The following CEP63 variants were observed in gnomAD, a reference collection of about 807,000 sequenced individuals.
The protein encoded by CEP63 is centrosomal protein of 63 kDa.
A neutral mutation model predicts 89.1 loss-of-function variants in CEP63; 84 were observed. That is an observed-to-expected ratio of 0.94 (90% CI 0.79 to 1.13). The LOEUF is 1.13. CEP63 is among the 50% of genes most tolerant of loss of function. CEP63 has a pLI of 0.00. For synonymous variants in CEP63, 267 were observed against 272.5 expected (o/e 0.98, Z 0.20); for missense variants, 838 against 813.3 (o/e 1.03, Z -0.37).
intron 1 of CEP63, chr3:134,486,669 G>T (rs1935546028): frequency 4.5e-6 from 2 of 439,864 alleles, no homozygotes; most frequent in Non-Finnish European, 6.0e-6. Context: ...AGCTAGCGCT[G>T]TTGGGACTAC....
the CEP63 span, among the ~76,000 whole-genome samples, chr3:134,776,829 T>A: frequency 3.3e-5 from 5 of 152,296 alleles, no homozygotes; most frequent in East Asian, 5.8e-4. Context: ...TTACTTGAGG[T>A]GCTAGAGGAA....
the CEP63 span, among the ~76,000 whole-genome samples, chr3:134,758,832 C>T: frequency 6.6e-6 from 1 of 152,124 alleles, no homozygotes; most frequent in Non-Finnish European, 1.5e-5. Context: ...CCAAAGATGT[C>T]CATATCCTAA....
the CEP63 span, among the ~76,000 whole-genome samples, chr3:134,646,854 A>T: frequency 2.6e-5 from 4 of 152,154 alleles, no homozygotes; most frequent in East Asian, 7.7e-4. Flanking sequence ...GGCTGGGCTA[A>T]TGAACCCTAA....
chr3:134,604,463 C>T, the CEP63 span: 11 of 1,604,380 alleles, frequency 6.9e-6, no homozygotes, highest in Non-Finnish European at 8.5e-6. Flanking sequence ...GTGACCGTGG[C>T]CTTCCCATTC....
intron 14 of CEP63, among the ~76,000 whole-genome samples, chr3:134,560,745 GTGTGTGTATTTGTTGTA>G (rs1160455635): frequency 6.6e-5 from 10 of 152,174 alleles, no homozygotes; most frequent in Non-Finnish European, 7.3e-5. Flanking sequence ...GTATGTGTGT[GTGTGTGTATTTGTTGTA>G]TGTGTGTATT....
chr3:134,706,687 G>A, the CEP63 span, among the ~76,000 whole-genome samples: 9 of 152,166 alleles, frequency 5.9e-5, no homozygotes, highest in African/African-American at 2.2e-4. Context: ...CTTAAAACAA[G>A]AGAAATTAAT....
chr3:134,499,084 AT>A (rs1247050948), intron 2 of CEP63, among the ~76,000 whole-genome samples: 1 of 152,128 alleles, frequency 6.6e-6, no homozygotes, highest in Non-Finnish European at 1.5e-5. Context: ...CTCGCCTTCA[AT>A]TTTTTTGGAA....
At chr3:134,669,102 G>A in the CEP63 span, among the ~76,000 whole-genome samples, 4 of 151,984 alleles carry the variant, frequency 2.6e-5, no homozygotes, top group Admixed American at 6.6e-5. Context: ...CACTGCTCAC[G>A]GCAGCCTTGA....
the CEP63 span, among the ~76,000 whole-genome samples, chr3:134,644,125 G>A: frequency 1.8e-3 from 276 of 152,228 alleles, no homozygotes; most frequent in African/African-American, 6.1e-3. Flanking sequence ...GCGCCCGGCC[G>A]AGCCTCCTGC....
the CEP63 span, among the ~76,000 whole-genome samples, chr3:134,642,521 A>G: frequency 8.8e-6 from 1 of 113,460 alleles, no homozygotes; most frequent in South Asian, 4.5e-4. Context: ...TCGTGTGCTC[A>G]GATCCAGTCA....
chr3:134,547,245 C>A lies in CEP63; in HGVS notation c.930-90C>A, dbSNP rs1221221016. On this transcript the variant is annotated intron_variant, in intron 8 of 14. Transcript: ENST00000675561. The stretch of plus-strand genomic sequence containing the variant: ...AACTTGAAGAGTTCCAAAGAGGTTA[C>A]CAAAAATGATGGGGAAACACAGACT... 68 of 1,271,704 alleles carry A rather than the reference C, an allele frequency of 5.3e-5. No individual in the cohort carries two copies. In the South Asian group the frequency reaches 8.1e-4, roughly 15 times the overall value. 78.8% of individuals were successfully genotyped at this position (1,271,704 alleles called of 1,614,324 possible).
chr3:134,699,300 G>A, the CEP63 span, among the ~76,000 whole-genome samples: 4 of 152,316 alleles, frequency 2.6e-5, no homozygotes, highest in African/African-American at 7.2e-5. Context: ...TGGATGGATC[G>A]GTCCTGGGAT....
At chr3:134,568,229 C>T (rs188682238), downstream of CEP63, among the ~76,000 whole-genome samples, 17 of 152,226 alleles carry the variant, frequency 1.1e-4, no homozygotes, top group East Asian at 3.1e-3. Flanking sequence ...TCTCAGTGGG[C>T]CAGCTCTTGG....
the CEP63 span, among the ~76,000 whole-genome samples, chr3:134,710,301 G>A: frequency 4.6e-5 from 7 of 152,102 alleles, no homozygotes; most frequent in African/African-American, 1.7e-4. Flanking sequence ...GCCTCTCCCT[G>A]GGGTTTTCAA....
chr3:134,683,723 C>T, the CEP63 span, among the ~76,000 whole-genome samples: 1 of 151,888 alleles, frequency 6.6e-6, no homozygotes, highest in African/African-American at 2.4e-5. Flanking sequence ...TGTTTGCTTC[C>T]TTTTCCAGCA....
the CEP63 span, among the ~76,000 whole-genome samples, chr3:134,609,870 G>A: frequency 1.3e-5 from 2 of 152,250 alleles, no homozygotes; most frequent in Non-Finnish European, 2.9e-5. Context: ...AAGGGAACCT[G>A]CCAACAACTA....
At chr3:134,502,092 G>A (rs1446650945) in intron 2 of CEP63, among the ~76,000 whole-genome samples, 2 of 152,072 alleles carry the variant, frequency 1.3e-5, no homozygotes, top group East Asian at 3.9e-4. Flanking sequence ...GTGATCATAT[G>A]GTTTTTGTTT....
the CEP63 span, among the ~76,000 whole-genome samples, chr3:134,704,919 T>C: frequency 6.6e-6 from 1 of 152,180 alleles, no homozygotes; most frequent in East Asian, 1.9e-4. Flanking sequence ...CAGAGCAGAA[T>C]CAGCTTGATT....
chr3:134,540,596 C>T (rs2109357245), intron 6 of CEP63, among the ~76,000 whole-genome samples: 2 of 151,944 alleles, frequency 1.3e-5, no homozygotes, highest in East Asian at 3.9e-4. Context: ...TTTGACTTTC[C>T]CCACTTTTAG....
Sources: allele counts gnomAD v4.1 joint callset (sites outside exome capture counted in the v4.1 genomes callset), GRCh38; gene constraint gnomAD v4.1.1; transcripts MANE v1.5; gene names NCBI Gene and HGNC (gene_info 2026-07-23, HGNC 2026-07-21).